PABPC4L: variants seen among roughly 807,000 people sequenced by gnomAD.
The protein encoded by PABPC4L is polyadenylate-binding protein 4-like.
For missense variants in PABPC4L, 452 were observed against 451.4 expected (o/e 1.00, Z -0.01); for synonymous variants, 169 against 164.1 (o/e 1.03, Z -0.23).
the PABPC4L span, among the ~76,000 whole-genome samples, chr4:134,162,084 A>G: frequency 6.6e-6 from 1 of 152,128 alleles, no homozygotes; most frequent in Admixed American, 6.5e-5. Context: ...ACAAAGACAC[A>G]AAAATAAAAT....
the PABPC4L span, among the ~76,000 whole-genome samples, chr4:134,067,179 G>A: frequency 1.3e-5 from 2 of 152,186 alleles, no homozygotes; most frequent in Admixed American, 6.5e-5. Context: ...TTGCCGGTTG[G>A]TAGGTTTTTT....
the PABPC4L span, among the ~76,000 whole-genome samples, chr4:134,076,774 C>T: frequency 5.3e-5 from 8 of 152,076 alleles, no homozygotes; most frequent in Admixed American, 3.9e-4. Flanking sequence ...TATAGACATA[C>T]CCATATAGAT....
the PABPC4L span, chr4:133,978,743 T>C: frequency 6.6e-6 from 1 of 152,148 alleles, no homozygotes; most frequent in South Asian, 2.1e-4. Flanking sequence ...TTTTGCTTCT[T>C]CTCAAATCCC....
chr4:134,164,494 T>A, the PABPC4L span, among the ~76,000 whole-genome samples: 1 of 151,984 alleles, frequency 6.6e-6, no homozygotes, highest in Non-Finnish European at 1.5e-5. Flanking sequence ...GCAACCAAGC[T>A]GAGAATCAAA....
chr4:134,040,565 C>T, the PABPC4L span, among the ~76,000 whole-genome samples: 1 of 152,098 alleles, frequency 6.6e-6, no homozygotes, highest in African/African-American at 2.4e-5. Context: ...ACACCTTATA[C>T]AAAAATTAAC....
At chr4:134,170,143 G>C in the PABPC4L span, among the ~76,000 whole-genome samples, 1 of 152,034 alleles carries the variant, frequency 6.6e-6, no homozygotes, top group African/African-American at 2.4e-5. Flanking sequence ...GTGGTATTCG[G>C]TTTTCTGTTC....
At chr4:134,177,729 G>A in the PABPC4L span, among the ~76,000 whole-genome samples, 1 of 152,178 alleles carries the variant, frequency 6.6e-6, no homozygotes, top group East Asian at 1.9e-4. Context: ...CAGAGCACAT[G>A]ACACCACCTG....
At chr4:134,171,398 G>A in the PABPC4L span, among the ~76,000 whole-genome samples, 1 of 152,100 alleles carries the variant, frequency 6.6e-6, no homozygotes, top group Non-Finnish European at 1.5e-5. Flanking sequence ...ACAAGCATGA[G>A]CCACCACGCC....
the PABPC4L span, among the ~76,000 whole-genome samples, chr4:133,990,973 C>G: frequency 6.6e-6 from 1 of 152,098 alleles, no homozygotes; most frequent in African/African-American, 2.4e-5. Context: ...ACCACCCTGA[C>G]CAATCTCCTT....
chr4:134,192,240 A>G (rs980892433), downstream of PABPC4L, among the ~76,000 whole-genome samples: 1 of 152,140 alleles, frequency 6.6e-6, no homozygotes, highest in African/African-American at 2.4e-5. Flanking sequence ...ACTTTAAAAC[A>G]TTAAGTGAAA....
downstream of PABPC4L, among the ~76,000 whole-genome samples, chr4:134,194,276 A>T (rs1355929114): frequency 6.6e-6 from 1 of 151,802 alleles, no homozygotes; most frequent in African/African-American, 2.4e-5. Flanking sequence ...GTCAGATTAA[A>T]ATTAAGGGAG....
At chr4:134,103,851 A>T in the PABPC4L span, among the ~76,000 whole-genome samples, 1 of 151,784 alleles carries the variant, frequency 6.6e-6, no homozygotes. Flanking sequence ...ATTTTGTTAG[A>T]TTCTCCAAAA....
At chr4:133,949,130 T>C in the PABPC4L span, among the ~76,000 whole-genome samples, 12 of 152,164 alleles carry the variant, frequency 7.9e-5, no homozygotes, top group African/African-American at 2.9e-4. Context: ...CCCTTATATA[T>C]ATGTATTTTA....
At chr4:134,042,119 A>T in the PABPC4L span, among the ~76,000 whole-genome samples, 1 of 152,334 alleles carries the variant, frequency 6.6e-6, no homozygotes, top group African/African-American at 2.4e-5. Flanking sequence ...AGAATGAGCT[A>T]ATGCCTTTTG....
chr4:134,128,402 G>A, the PABPC4L span, among the ~76,000 whole-genome samples: 1 of 152,148 alleles, frequency 6.6e-6, no homozygotes, highest in Admixed American at 6.6e-5. Flanking sequence ...AATATTAAGA[G>A]CTGTGAGTCG....
the PABPC4L span, among the ~76,000 whole-genome samples, chr4:134,188,100 G>A: frequency 6.6e-6 from 1 of 150,898 alleles, no homozygotes; most frequent in Non-Finnish European, 1.5e-5. Flanking sequence ...AATTTTTCAT[G>A]TGTGTGTGTG....
chr4:134,163,797 C>T, the PABPC4L span, among the ~76,000 whole-genome samples: 1 of 152,096 alleles, frequency 6.6e-6, no homozygotes, highest in Admixed American at 6.6e-5. Flanking sequence ...TCCAGTATCT[C>T]TTTATTATAA....
the PABPC4L span, among the ~76,000 whole-genome samples, chr4:134,039,975 A>G: frequency 1.3e-5 from 2 of 151,960 alleles, no homozygotes; most frequent in East Asian, 3.9e-4. Flanking sequence ...AATTGCTACA[A>G]AAAAAATAAA....
the PABPC4L span, among the ~76,000 whole-genome samples, chr4:134,087,292 A>G: frequency 2.0e-5 from 3 of 152,196 alleles, no homozygotes; most frequent in Non-Finnish European, 4.4e-5. Flanking sequence ...GACATGGATG[A>G]AATTGGAAAT....
Sources: gnomAD v4.1 joint callset for allele counts (sites outside exome capture counted in the v4.1 genomes callset) on GRCh38, gnomAD v4.1.1 for gene constraint, MANE v1.5 for transcripts, NCBI Gene and HGNC (gene_info 2026-07-23, HGNC 2026-07-21) for gene names.